Variants in GLI3 observed in about 807,000 individuals in gnomAD.
GLI3 encodes the protein GLI family zinc finger 3.
Under a neutral mutation model 100.8 loss-of-function variants are expected in GLI3, and 20 were observed. The ratio of observed to expected loss-of-function variants is 0.20; its 90% CI spans 0.14 to 0.29. The LOEUF (loss-of-function observed/expected upper bound fraction) is 0.29, where lower values mean the gene tolerates loss of function less well. GLI3 is among the 10% of genes least tolerant of loss of function. The pLI is 1.00. For missense variants in GLI3, 2,040 were observed against 2,128.5 expected (o/e 0.96, Z 0.82); for synonymous variants, 938 against 860.5 (o/e 1.09, Z -1.58).
intron 10 of GLI3, among the ~76,000 whole-genome samples, chr7:41,998,494 C>CT (rs1159718148): frequency 1.3e-5 from 2 of 152,158 alleles, no homozygotes; most frequent in African/African-American, 2.4e-5. Context: ...ATGGCCCTCA[C>CT]TTATATAATT....
intron 4 of GLI3, among the ~76,000 whole-genome samples, chr7:42,057,889 G>A (rs1026647893): frequency 3.9e-5 from 6 of 152,058 alleles, no homozygotes; most frequent in African/African-American, 7.2e-5. Flanking sequence ...AGCAGGGGGC[G>A]AGGGGTCAGC....
intron 3 of GLI3, among the ~76,000 whole-genome samples, chr7:42,113,816 T>G (rs1393146974): frequency 2.0e-5 from 3 of 152,230 alleles, no homozygotes; most frequent in African/African-American, 7.2e-5. Context: ...GCTGGACTGA[T>G]GTGGGGAAAA....
intron 3 of GLI3, among the ~76,000 whole-genome samples, chr7:42,143,844 A>G (rs1273721993): frequency 6.6e-6 from 1 of 152,210 alleles, no homozygotes; most frequent in Admixed American, 6.5e-5. Context: ...GGGGCAGAAG[A>G]AAAGCAGCCT....
Position 41,964,370 on chromosome 7 carries a change from G to T in GLI3, c.4703C>A (p.Ser1568Tyr), listed in dbSNP as rs747943668. 1 of 1,614,066 alleles carries T rather than the reference G, an allele frequency of 6.2e-7. No homozygotes were observed. The highest frequency in any genetic ancestry group is 1.3e-5 in the African/African-American group (1 of 74,942). The change falls in exon 15 of 15, where the codon TCC becomes TAC. Residue 1568 changes from serine (S) to tyrosine (Y), a missense_variant. Around this residue, in one of 5 missense-constraint regions of GLI3, gnomAD observed 1,041 missense variants for 924.0 expected, o/e 1.13. Coordinates refer to ENST00000395925, the MANE Select transcript of GLI3 (RefSeq NM_000168.6). The part of the protein sequence containing the change: ...AIGDMSSLLT[S>Y]LAEESKFLAV... ...AAGGAATTTGCTTTCTTCCGCTAGG[G>T]AGGTCAGCAAAGAACTCATGTCCCC...
At chr7:42,030,636 A>C (rs1008843595) in intron 7 of GLI3, among the ~76,000 whole-genome samples, 1 of 151,454 alleles carries the variant, frequency 6.6e-6, no homozygotes, top group Non-Finnish European at 1.5e-5. Flanking sequence ...ACCTTCCTAA[A>C]TAGTTCATGT....
Position 42,170,188 on chromosome 7 carries a change from G to A in GLI3, c.125-21720C>T, listed in dbSNP as rs1180046471. ...AATCAGTTGAGCCCAGGAGGCAGAG[G>A]TTGCAGTGAGCTGAGATTACAACAC... On this transcript the variant is annotated intron_variant, in intron 2 of 14. Transcript: ENST00000395925. 2.0e-5 allele frequency among the ~76,000 whole-genome samples: 3 copies of A among 149,096 alleles called. No individual in the cohort carries two copies. The Admixed American group carries it at 2.0e-4, about 10-fold the overall frequency.
intron 4 of GLI3, among the ~76,000 whole-genome samples, chr7:42,057,622 C>T (rs1784490062): frequency 6.6e-6 from 1 of 152,094 alleles, no homozygotes; most frequent in Non-Finnish European, 1.5e-5. Context: ...AAACAGTAAA[C>T]AGCTATGAAA....
At chr7:42,076,711 T>A (rs1293533552) in intron 4 of GLI3, 41 bp downstream of exon 4, 1 of 1,259,062 alleles carries the variant, frequency 7.9e-7, no homozygotes, top group African/African-American at 1.5e-5. Flanking sequence ...AAAGCCAGCA[T>A]CTCGTTCCAT....
intron 2 of GLI3, among the ~76,000 whole-genome samples, chr7:42,219,375 A>G (rs999666089): frequency 6.6e-6 from 1 of 152,212 alleles, no homozygotes; most frequent in Non-Finnish European, 1.5e-5. Flanking sequence ...CAAAGGCTTT[A>G]TATGTTGATA....
At chr7:42,191,849 C>T (rs1787834633) in intron 2 of GLI3, among the ~76,000 whole-genome samples, 1 of 151,912 alleles carries the variant, frequency 6.6e-6, no homozygotes, top group Non-Finnish European at 1.5e-5. Flanking sequence ...CACTGGTAGC[C>T]ACAACAGAAC....
chr7:42,244,114 G>A (rs76147894), intron 1 of GLI3, among the ~76,000 whole-genome samples: 2,703 of 152,174 alleles, frequency 0.018, 95 homozygotes, highest in African/African-American at 0.062. Flanking sequence ...GATTACAGGC[G>A]AAAGCCACTG....
At chr7:42,005,729 C>A (rs1413180339) in intron 10 of GLI3, among the ~76,000 whole-genome samples, 3 of 152,138 alleles carry the variant, frequency 2.0e-5, no homozygotes, top group Non-Finnish European at 2.9e-5. Flanking sequence ...CGTATGAAGA[C>A]AAAGGATATT....
intron 3 of GLI3, among the ~76,000 whole-genome samples, chr7:42,120,274 C>A (rs1343186085): frequency 6.6e-6 from 1 of 152,152 alleles, no homozygotes; most frequent in African/African-American, 2.4e-5. Context: ...GAGAAATCTG[C>A]CCGAACTCTG....
intron 4 of GLI3, among the ~76,000 whole-genome samples, chr7:42,057,247 C>A (rs1364331812): frequency 6.6e-6 from 1 of 152,110 alleles, no homozygotes; most frequent in Non-Finnish European, 1.5e-5. Flanking sequence ...ACTAACTCTC[C>A]ATAAACATCA....
At chr7:42,212,432 A>C (rs762001607) in intron 2 of GLI3, among the ~76,000 whole-genome samples, 3 of 152,202 alleles carry the variant, frequency 2.0e-5, no homozygotes, top group Non-Finnish European at 4.4e-5. Context: ...TTCCCAATTT[A>C]TATGTCAAAT....
intron 3 of GLI3, among the ~76,000 whole-genome samples, chr7:42,130,626 CA>C (rs1786252502): frequency 1.3e-5 from 2 of 152,022 alleles, no homozygotes; most frequent in African/African-American, 2.4e-5. Context: ...AGAGAAGAGA[CA>C]CACAGAAGTA....
intron 10 of GLI3, among the ~76,000 whole-genome samples, chr7:41,989,805 G>A (rs1562672907): frequency 6.6e-6 from 1 of 151,782 alleles, no homozygotes; most frequent in East Asian, 1.9e-4. Context: ...GGCTGAGGCG[G>A]GAGGATTGCT....
chr7:42,080,093 C>A (rs552688808), intron 3 of GLI3, among the ~76,000 whole-genome samples: 1 of 152,320 alleles, frequency 6.6e-6, no homozygotes, highest in Non-Finnish European at 1.5e-5. Context: ...GCCATCTTCT[C>A]ATTTTCAAGA....
chr7:42,054,445 TGG>T (rs1474094173), intron 4 of GLI3, among the ~76,000 whole-genome samples: 1 of 152,200 alleles, frequency 6.6e-6, no homozygotes, highest in Non-Finnish European at 1.5e-5. Flanking sequence ...CTTGGGATAC[TGG>T]AAATGTACAC....
Sources: allele counts gnomAD v4.1 joint callset (sites outside exome capture counted in the v4.1 genomes callset), GRCh38; gene constraint gnomAD v4.1.1; regional missense constraint gnomAD v4.1.1; transcripts MANE v1.5; gene names NCBI Gene and HGNC (gene_info 2026-07-23, HGNC 2026-07-21).